The following CNBD1 variants were observed in gnomAD, a reference collection of about 807,000 sequenced individuals.
The protein encoded by CNBD1 is cyclic nucleotide binding domain containing 1, also known as cyclic nucleotide-binding domain-containing protein 1.
A neutral mutation model predicts 54.4 loss-of-function variants in CNBD1; 71 were observed. That is an observed-to-expected ratio of 1.30 (90% CI 1.08 to 1.59). The LOEUF (loss-of-function observed/expected upper bound fraction) is 1.59. CNBD1 is among the 40% of genes most tolerant of loss of function. The pLI is 0.00. For missense variants in CNBD1, 659 were observed against 518.0 expected (o/e 1.27, Z -2.64); for synonymous variants, 182 against 170.7 (o/e 1.07, Z -0.51).
chr8:87,251,168 C>A (rs957489337), intron 6 of CNBD1, among the ~76,000 whole-genome samples: 1 of 151,912 alleles, frequency 6.6e-6, no homozygotes, highest in East Asian at 1.9e-4. Context: ...ATTATAAATA[C>A]AGGACCCTTG....
intron 2 of CNBD1, among the ~76,000 whole-genome samples, chr8:86,892,620 GA>G (rs1347369013): frequency 6.6e-6 from 1 of 151,912 alleles, no homozygotes; most frequent in Non-Finnish European, 1.5e-5. Flanking sequence ...AATCTTTAAT[GA>G]AAAAATTAAA....
At chr8:86,970,917 T>G (rs924761978) in intron 4 of CNBD1, among the ~76,000 whole-genome samples, 3 of 152,208 alleles carry the variant, frequency 2.0e-5, no homozygotes, top group Non-Finnish European at 1.5e-5. Context: ...ATTATTAATT[T>G]CAGTTATACG....
chr8:87,299,748 CTACTTTCTCA>C (rs1464814765), intron 8 of CNBD1, among the ~76,000 whole-genome samples: 1 of 152,184 alleles, frequency 6.6e-6, no homozygotes, highest in Admixed American at 6.6e-5. Flanking sequence ...GAAAAAGGTA[CTACTTTCTCA>C]TGGCAGATGT....
intron 3 of CNBD1, among the ~76,000 whole-genome samples, chr8:86,931,207 G>C (rs6991217): frequency 0.55 from 84,029 of 152,012 alleles, 23,441 homozygotes; most frequent in South Asian, 0.6. Context: ...TTGAGGACAA[G>C]GTCCAGGGCA....
chr8:87,092,503 A>ATACACATATGTG (rs1323667321), intron 4 of CNBD1, among the ~76,000 whole-genome samples: 1 of 142,650 alleles, frequency 7.0e-6, no homozygotes, highest in South Asian at 2.2e-4. Flanking sequence ...GTGTATATAT[A>ATACACATATGTG]TGTGTGTGTG....
At chr8:86,976,660 A>G (rs745517285) in intron 4 of CNBD1, among the ~76,000 whole-genome samples, 1 of 151,966 alleles carries the variant, frequency 6.6e-6, no homozygotes, top group Non-Finnish European at 1.5e-5. Flanking sequence ...AATTCTTCCC[A>G]TTCATGAACA....
chr8:86,873,263 G>A (rs1001699796), intron 1 of CNBD1, among the ~76,000 whole-genome samples: 17 of 151,736 alleles, frequency 1.1e-4, no homozygotes, highest in East Asian at 3.9e-4. Context: ...CACCACACCC[G>A]GCTAATTTTG....
chr8:86,866,720 A>G (rs1808370616), intron 1 of CNBD1, 137 bp downstream of exon 1: 2 of 668,182 alleles, frequency 3.0e-6, no homozygotes, highest in Non-Finnish European at 5.3e-6. Context: ...AAGAATGGAA[A>G]GAACATAGAT....
At chr8:86,997,409 A>G (rs928114125) in intron 4 of CNBD1, among the ~76,000 whole-genome samples, 2 of 152,186 alleles carry the variant, frequency 1.3e-5, no homozygotes, top group African/African-American at 2.4e-5. Context: ...TGCCTTGGAA[A>G]GGTAATTAGA....
At chr8:87,382,213 A>T (rs903741428) in intron 10 of CNBD1, among the ~76,000 whole-genome samples, 1 of 151,938 alleles carries the variant, frequency 6.6e-6, no homozygotes, top group Non-Finnish European at 1.5e-5. Flanking sequence ...GGCATTTCCT[A>T]TGGAATTCTA....
intron 3 of CNBD1, among the ~76,000 whole-genome samples, chr8:86,938,553 T>C (rs1809592121): frequency 6.6e-6 from 1 of 152,222 alleles, no homozygotes; most frequent in Non-Finnish European, 1.5e-5. Context: ...ATGTCTTACA[T>C]AGGAGCAGGC....
chr8:87,243,927 T>C (rs571188473), intron 6 of CNBD1, among the ~76,000 whole-genome samples: 14 of 152,238 alleles, frequency 9.2e-5, no homozygotes, highest in African/African-American at 3.4e-4. Flanking sequence ...AAGTTTATGT[T>C]TTGTTTTTTT....
In CNBD1 at chr8:87,148,866, A is replaced by G. The variant is rs1463106436; in HGVS notation, c.432-57127A>G. Among the ~76,000 whole-genome samples the G allele has an allele frequency of 3.3e-5, 5 of 152,360 alleles. No homozygotes were observed. The East Asian group carries it at 5.8e-4, about 18-fold the overall frequency. On this transcript the variant is annotated intron_variant, in intron 4 of 10. Transcript: ENST00000518476. ...TGACTGTTATGATACTACAGCTGCT[A>G]CTACTCATAGGGGATTAGTTGCCAA...
At chr8:87,142,772 A>G (rs1406753454) in intron 4 of CNBD1, among the ~76,000 whole-genome samples, 1 of 152,154 alleles carries the variant, frequency 6.6e-6, no homozygotes, top group Non-Finnish European at 1.5e-5. Flanking sequence ...TAGATACACT[A>G]AAATGTCGGA....
chr8:87,370,286 C>T (rs1810750221), intron 10 of CNBD1, among the ~76,000 whole-genome samples: 1 of 152,014 alleles, frequency 6.6e-6, no homozygotes, highest in South Asian at 2.1e-4. Flanking sequence ...AGTTCTAGAT[C>T]CCTGAGGAAT....
In CNBD1 at chr8:87,182,084, T is replaced by C. The variant is rs1171516603; in HGVS notation, c.432-23909T>C. 6.6e-6 allele frequency among the ~76,000 whole-genome samples: 1 copy of C among 152,146 alleles called. No individual in the cohort carries two copies. The highest frequency in any genetic ancestry group is 1.5e-5 in the Non-Finnish European group (1 of 67,994). On this transcript the variant is annotated intron_variant, in intron 4 of 10. Coordinates refer to ENST00000518476, the MANE Select transcript of CNBD1 (RefSeq NM_173538.3). The surrounding 1 kb of genome is among the most constrained non-coding windows in gnomAD (Gnocchi z 4.1). ...TGAAGTATGCCCCAGTGTCTACTTT[T>C]CCCATCTTTGTGTTCATGTGTACTC...
chr8:87,275,439 CT>C, intron 6 of CNBD1, among the ~76,000 whole-genome samples: 1 of 152,096 alleles, frequency 6.6e-6, no homozygotes, highest in Admixed American at 6.6e-5. Flanking sequence ...TTTGTATCCG[CT>C]TTTATTTCAT....
intron 8 of CNBD1, among the ~76,000 whole-genome samples, chr8:87,329,604 C>A (rs1809772424): frequency 6.6e-6 from 1 of 151,934 alleles, no homozygotes; most frequent in South Asian, 2.1e-4. Flanking sequence ...TTTATTCATA[C>A]AGAAATACAT....
chr8:86,941,355 A>C (rs1809653933), intron 4 of CNBD1, among the ~76,000 whole-genome samples: 1 of 152,216 alleles, frequency 6.6e-6, no homozygotes, highest in Admixed American at 6.5e-5. Context: ...AAACACTGAA[A>C]GTGATCTAAG....
Sources: gnomAD v4.1 joint callset for allele counts (sites outside exome capture counted in the v4.1 genomes callset) on GRCh38, gnomAD v4.1.1 for gene constraint, Gnocchi (gnomAD v3.1) non-coding constraint, MANE v1.5 for transcripts, NCBI Gene and HGNC (gene_info 2026-07-23, HGNC 2026-07-21) for gene names.